ASRGL1: variants seen among roughly 807,000 people sequenced by gnomAD.
ASRGL1 encodes asparaginase and isoaspartyl peptidase 1, also known as isoaspartyl peptidase/L-asparaginase.
ASRGL1 carries 16 observed loss-of-function variants against 22.4 expected under a neutral mutation model. The ratio of observed to expected loss-of-function variants is 0.71; its 90% CI spans 0.48 to 1.08. The LOEUF is 1.08. Ranked by LOEUF, ASRGL1 falls within the 50% of genes least tolerant of loss-of-function variation. ASRGL1 has a pLI of 0.00. For synonymous variants in ASRGL1, 165 were observed against 159.3 expected (o/e 1.04, Z -0.27); for missense variants, 412 against 410.1 (o/e 1.00, Z -0.04).
chr11:62,397,582 T>C (rs1947446673), downstream of ASRGL1, among the ~76,000 whole-genome samples: 1 of 150,802 alleles, frequency 6.6e-6, no homozygotes, highest in African/African-American at 2.4e-5. Flanking sequence ...GAGAATCACT[T>C]GAACCCGGAA....
At chr11:62,362,632 T>A (rs1376191471) in intron 4 of ASRGL1, among the ~76,000 whole-genome samples, 1 of 61,962 alleles carries the variant, frequency 1.6e-5, no homozygotes, top group South Asian at 3.3e-4. Flanking sequence ...TTATATAAAA[T>A]ATATATAATA....
rs188496232 is a variant in ASRGL1 at position 62,361,649 on chromosome 11, G to A, written c.491+4505G>A. On this transcript the variant is annotated intron_variant, in intron 4 of 6. Transcript: ENST00000415229. ...ACTACAGGCGCATGCCACCATGCCC[G>A]GCTAATTTTTGTATTTTTAGTAGAG... 4.6e-3 allele frequency among the ~76,000 whole-genome samples: 702 copies of A among 151,768 alleles called. 10 individuals carry two copies. Among genetic ancestry groups the A allele is most frequent in the African/African-American group, 0.016 (670 of 41,352 alleles).
chr11:62,396,229 TG>T (rs990250534), downstream of ASRGL1, among the ~76,000 whole-genome samples: 7 of 133,826 alleles, frequency 5.2e-5, no homozygotes, highest in African/African-American at 2.0e-4. Context: ...GGAATGGGGG[TG>T]GGAGTATGGG....
intron 2 of ASRGL1, among the ~76,000 whole-genome samples, chr11:62,351,523 G>A (rs1047548568): frequency 2.0e-5 from 3 of 151,960 alleles, no homozygotes; most frequent in African/African-American, 4.8e-5. Context: ...GGTGGCGGGC[G>A]CCTGTAATCC....
intron 2 of ASRGL1, among the ~76,000 whole-genome samples, chr11:62,355,122 T>C (rs1946249753): frequency 6.6e-6 from 1 of 152,072 alleles, no homozygotes; most frequent in South Asian, 2.1e-4. Context: ...TTCACCATGT[T>C]GGCCAAGCTG....
At chr11:62,367,086 C>T (rs1348617552) in intron 4 of ASRGL1, among the ~76,000 whole-genome samples, 5 of 151,424 alleles carry the variant, frequency 3.3e-5, no homozygotes. Context: ...TGCCTGTAAT[C>T]CCAACTACTT....
intron 4 of ASRGL1, among the ~76,000 whole-genome samples, chr11:62,368,979 T>C (rs752529905): frequency 6.6e-6 from 1 of 152,168 alleles, no homozygotes; most frequent in South Asian, 2.1e-4. Flanking sequence ...CTTCCTCTTA[T>C]TACAACTGCA....
intron 2 of ASRGL1, among the ~76,000 whole-genome samples, chr11:62,349,408 G>A (rs553910241): frequency 6.6e-6 from 1 of 152,300 alleles, no homozygotes; most frequent in African/African-American, 2.4e-5. Flanking sequence ...AGATGGGGTG[G>A]TATGTTAGCT....
At chr11:62,359,822 G>A (rs1946390720) in intron 4 of ASRGL1, among the ~76,000 whole-genome samples, 1 of 151,992 alleles carries the variant, frequency 6.6e-6, no homozygotes, top group Non-Finnish European at 1.5e-5. Context: ...ATATTTAAAA[G>A]ATGCAGTTAA....
In ASRGL1 at chr11:62,364,606, A is replaced by C. The variant is rs73494062; in HGVS notation, c.491+7462A>C. 2.4e-3 allele frequency among the ~76,000 whole-genome samples: 365 copies of C among 152,374 alleles called. 2 individuals are homozygous for C. Among genetic ancestry groups the C allele is most frequent in the African/African-American group, 8.1e-3 (337 of 41,590 alleles). On this transcript the variant is annotated intron_variant, in intron 4 of 6. Coordinates refer to ENST00000415229, the MANE Select transcript of ASRGL1 (RefSeq NM_001083926.2). ...ATTGAAACAACTACAGTGTCTGTCC[A>C]TCAATGAAGAATGGATAAAGTATAA...
chr11:62,369,519 C>T (rs938181270), intron 4 of ASRGL1, among the ~76,000 whole-genome samples: 2 of 152,066 alleles, frequency 1.3e-5, no homozygotes, highest in Non-Finnish European at 2.9e-5. Context: ...GCTGTCTCTT[C>T]GGAGCTGCTG....
At chr11:62,391,994 C>CTTTT (rs1231916194) in intron 6 of ASRGL1, 85 bp from the exon 7 acceptor site, 18 of 1,490,678 alleles carry the variant, frequency 1.2e-5, no homozygotes, top group Non-Finnish European at 1.6e-5. Context: ...TGCTAGCTCA[C>CTTTT]TTTGGCATTT....
At chr11:62,395,558 G>T (rs1947422214), downstream of ASRGL1, among the ~76,000 whole-genome samples, 1 of 151,982 alleles carries the variant, frequency 6.6e-6, no homozygotes, top group African/African-American at 2.4e-5. Context: ...TAGCTTGAGG[G>T]ATTGTAAACT....
chr11:62,384,747 G>A (rs1193300221), intron 4 of ASRGL1, among the ~76,000 whole-genome samples: 9 of 136,868 alleles, frequency 6.6e-5, no homozygotes, highest in East Asian at 2.1e-4. Context: ...GTGAAACCCC[G>A]TCTCTACTGA....
chr11:62,381,153 T>A (rs1234364238), intron 4 of ASRGL1, among the ~76,000 whole-genome samples: 1 of 149,250 alleles, frequency 6.7e-6, no homozygotes, highest in Non-Finnish European at 1.5e-5. Context: ...TGACAGAGAC[T>A]CTCTATTTGA....
intron 2 of ASRGL1, among the ~76,000 whole-genome samples, chr11:62,340,873 T>C (rs1044636138): frequency 2.0e-5 from 3 of 152,214 alleles, no homozygotes; most frequent in African/African-American, 7.2e-5. Context: ...CCAGTAGGTA[T>C]TGAGTTCAGT....
At chr11:62,383,007 T>C (rs533506549) in intron 4 of ASRGL1, 1 of 152,450 alleles carries the variant, frequency 6.6e-6, no homozygotes, top group South Asian at 2.1e-4. Flanking sequence ...AGAATTTTTC[T>C]TAGTACAGAA....
downstream of ASRGL1, among the ~76,000 whole-genome samples, chr11:62,395,445 G>T (rs999516877): frequency 7.2e-5 from 11 of 152,198 alleles, no homozygotes; most frequent in African/African-American, 2.7e-4. Context: ...CAGCCCCACT[G>T]CTGGGCTGCA....
intron 2 of ASRGL1, among the ~76,000 whole-genome samples, chr11:62,355,646 T>C (rs1946269091): frequency 6.8e-6 from 1 of 147,344 alleles, no homozygotes; most frequent in South Asian, 2.1e-4. Flanking sequence ...TTTTCATTGA[T>C]CATTCTTGGG....
Sources: gnomAD v4.1 joint callset for allele counts (sites outside exome capture counted in the v4.1 genomes callset) on GRCh38, gnomAD v4.1.1 for gene constraint, MANE v1.5 for transcripts, NCBI Gene and HGNC (gene_info 2026-07-23, HGNC 2026-07-21) for gene names.